The following ERC2 variants were observed in gnomAD, a reference collection of about 807,000 sequenced individuals.
The protein encoded by ERC2 is ELKS/RAB6-interacting/CAST family member 2, also known as ERC protein 2.
Under a neutral mutation model 114.8 loss-of-function variants are expected in ERC2, and 42 were observed. The ratio of observed to expected loss-of-function variants is 0.37; its 90% CI spans 0.29 to 0.47. ERC2 has a LOEUF of 0.47. Ranked by LOEUF, ERC2 falls within the 20% of genes least tolerant of loss-of-function variation. The pLI, the probability that ERC2 is intolerant of heterozygous loss-of-function variation, is 0.99. For synonymous variants in ERC2, 454 were observed against 425.5 expected (o/e 1.07, Z -0.82); for missense variants, 939 against 1,150.7 (o/e 0.82, Z 2.66).
At chr3:55,866,410 C>T (rs993594) in intron 14 of ERC2, among the ~76,000 whole-genome samples, 21,820 of 152,114 alleles carry the variant, frequency 0.14, 2,186 homozygotes, top group African/African-American at 0.28. Flanking sequence ...TTTTCTCCCA[C>T]ATTGTAGTTT....
chr3:56,273,507 A>G (rs1179591024), intron 3 of ERC2, among the ~76,000 whole-genome samples: 3 of 151,488 alleles, frequency 2.0e-5, no homozygotes, highest in African/African-American at 7.3e-5. Flanking sequence ...AACCTCCCCA[A>G]CTGTCAGTAT....
intron 14 of ERC2, among the ~76,000 whole-genome samples, chr3:55,752,009 A>C (rs1426144809): frequency 6.6e-6 from 1 of 152,246 alleles, no homozygotes; most frequent in African/African-American, 2.4e-5. Flanking sequence ...AAGTTGCTCC[A>C]GTACCCTCAG....
chr3:55,554,147 G>C (rs1202529401), intron 17 of ERC2, among the ~76,000 whole-genome samples: 1 of 152,078 alleles, frequency 6.6e-6, no homozygotes. Context: ...GGTAGAATGC[G>C]GTGTTCTAGG....
intron 15 of ERC2, among the ~76,000 whole-genome samples, chr3:55,730,536 G>A (rs1200585966): frequency 6.6e-6 from 1 of 152,180 alleles, no homozygotes; most frequent in African/African-American, 2.4e-5. Context: ...CACTTGTGGT[G>A]GTCTGGGAAG....
chr3:55,922,650 G>C (rs75670611), intron 13 of ERC2, among the ~76,000 whole-genome samples: 1 of 152,034 alleles, frequency 6.6e-6, no homozygotes, highest in Non-Finnish European at 1.5e-5. Context: ...GAGATCCTAC[G>C]TAACTGTCCT....
intron 4 of ERC2, among the ~76,000 whole-genome samples, chr3:56,157,648 G>A (rs545247838): frequency 2.0e-5 from 3 of 151,820 alleles, no homozygotes; most frequent in South Asian, 4.2e-4. Context: ...TGCTCTTCCC[G>A]TTCCTTTTAA....
At chr3:56,126,175 A>T (rs2079852593) in intron 6 of ERC2, among the ~76,000 whole-genome samples, 1 of 152,220 alleles carries the variant, frequency 6.6e-6, no homozygotes, top group African/African-American at 2.4e-5. Flanking sequence ...CCTTATTTTT[A>T]AAAATTCCAT....
rs1296219403 is a variant in ERC2 at position 56,282,683 on chromosome 3, G to A, written c.1074+13336C>T. On this transcript the variant is annotated intron_variant, in intron 3 of 17. Transcript: ENST00000288221. ...AGATCTTCCATCTAACAGTGGTGCT[G>A]CTGCTGCTGCTGCTGCTGATTTATG... Among the ~76,000 whole-genome samples, 3 of 152,044 alleles carry A rather than the reference G, an allele frequency of 2.0e-5. 1 individual carries two copies. Among genetic ancestry groups the A allele is most frequent in the Admixed American group, 2.0e-4 (3 of 15,272 alleles).
chr3:56,341,255 C>T (rs933362422), intron 2 of ERC2, among the ~76,000 whole-genome samples: 3 of 152,148 alleles, frequency 2.0e-5, no homozygotes, highest in Non-Finnish European at 2.9e-5. Flanking sequence ...CTAAGGTGAA[C>T]TGGTTGGGGC....
At chr3:56,065,221 TA>T (rs1345264636) in intron 7 of ERC2, among the ~76,000 whole-genome samples, 7 of 152,054 alleles carry the variant, frequency 4.6e-5, no homozygotes, top group Non-Finnish European at 7.4e-5. Flanking sequence ...TCCCATTATT[TA>T]TTTTTTTTCT....
At chr3:56,048,468 T>C (rs1419039659) in intron 7 of ERC2, among the ~76,000 whole-genome samples, 1 of 152,184 alleles carries the variant, frequency 6.6e-6, no homozygotes, top group Non-Finnish European at 1.5e-5. Context: ...TAATATCTAA[T>C]GTGAATTGGC....
intron 2 of ERC2, among the ~76,000 whole-genome samples, chr3:56,312,871 G>A (rs2056659476): frequency 6.7e-6 from 1 of 148,220 alleles, no homozygotes; most frequent in Admixed American, 6.7e-5. Context: ...ATTCTCTAAG[G>A]TTTTCCATTT....
chr3:55,921,210 C>T (rs1576202586), intron 13 of ERC2, among the ~76,000 whole-genome samples: 4 of 152,224 alleles, frequency 2.6e-5, no homozygotes, highest in Middle Eastern at 3.4e-3. Context: ...TACCCACCAA[C>T]ATGAATTTGA....
At chr3:56,101,129 T>C (rs2149804635) in intron 6 of ERC2, among the ~76,000 whole-genome samples, 1 of 152,354 alleles carries the variant, frequency 6.6e-6, no homozygotes, top group South Asian at 2.1e-4. Context: ...TAGAGTGATG[T>C]CTTCTCTGAA....
intron 14 of ERC2, among the ~76,000 whole-genome samples, chr3:55,837,599 T>A (rs1174718822): frequency 2.8e-5 from 3 of 108,958 alleles, no homozygotes; most frequent in Non-Finnish European, 5.4e-5. Context: ...CTCTGGGGAC[T>A]GTTGTGGGGT....
chr3:55,770,757 A>G (rs2068136503), intron 14 of ERC2, among the ~76,000 whole-genome samples: 1 of 152,042 alleles, frequency 6.6e-6, no homozygotes, highest in Non-Finnish European at 1.5e-5. Flanking sequence ...TCAACTCGTT[A>G]TCTATATTAG....
intron 4 of ERC2, among the ~76,000 whole-genome samples, chr3:56,171,837 C>A: frequency 7.4e-6 from 1 of 134,552 alleles, no homozygotes; most frequent in African/African-American, 2.7e-5. Context: ...GCCTTGGAAA[C>A]TCGCTCTTTT....
At chr3:56,125,297 C>T (rs952971873) in intron 6 of ERC2, among the ~76,000 whole-genome samples, 5 of 152,076 alleles carry the variant, frequency 3.3e-5, no homozygotes, top group African/African-American at 4.8e-5. Context: ...GTAAGATTCA[C>T]GGAAGACTCC....
intron 3 of ERC2, among the ~76,000 whole-genome samples, chr3:56,191,641 C>A (rs2150070712): frequency 6.6e-6 from 1 of 152,202 alleles, no homozygotes; most frequent in East Asian, 1.9e-4. Context: ...GTCGCAAACC[C>A]AAGACAGAAA....
Sources: allele counts gnomAD v4.1 joint callset (sites outside exome capture counted in the v4.1 genomes callset), GRCh38; gene constraint gnomAD v4.1.1; transcripts MANE v1.5; gene names NCBI Gene and HGNC (gene_info 2026-07-23, HGNC 2026-07-21).